MTRF1: variants seen among roughly 807,000 people sequenced by gnomAD.
MTRF1 encodes the protein peptide chain release factor 1, mitochondrial.
MTRF1 carries 51 observed loss-of-function variants against 62.9 expected under a neutral mutation model. The ratio of observed to expected loss-of-function variants is 0.81; its 90% CI spans 0.65 to 1.02. The LOEUF (loss-of-function observed/expected upper bound fraction) is 1.02. Ranked by LOEUF, MTRF1 falls within the 50% of genes least tolerant of loss-of-function variation. The probability of loss-of-function intolerance (pLI) is 0.00; values close to 1 mark genes in which losing one functional copy is unlikely to be tolerated. For missense variants in MTRF1, 446 were observed against 530.0 expected (o/e 0.84, Z 1.56); for synonymous variants, 158 against 181.9 (o/e 0.87, Z 1.06).
intron 1 of MTRF1, chr13:41,261,815 T>A: frequency 2.0e-6 from 2 of 985,002 alleles, no homozygotes; most frequent in Non-Finnish European, 2.4e-6. Context: ...GCTTCCCGTT[T>A]AGCTGAGATC....
intron 9 of MTRF1, chr13:41,220,533 T>TTA: frequency 8.1e-7 from 1 of 1,233,962 alleles, no homozygotes; most frequent in Non-Finnish European, 1.1e-6. Context: ...AGTAAGAAAG[T>TTA]TACCTAACAG....
the MTRF1 span, among the ~76,000 whole-genome samples, chr13:41,272,105 CAA>C: frequency 2.0e-5 from 3 of 152,112 alleles, no homozygotes; most frequent in African/African-American, 7.2e-5. Context: ...CCCCCAAAAC[CAA>C]AGAGATCAGG....
chr13:41,232,360 C>A (rs999953807), intron 7 of MTRF1, among the ~76,000 whole-genome samples: 1 of 151,848 alleles, frequency 6.6e-6, no homozygotes, highest in Non-Finnish European at 1.5e-5. Flanking sequence ...GAGGAAAAAA[C>A]AAATTCAAGA....
intron 6 of MTRF1, among the ~76,000 whole-genome samples, chr13:41,238,056 G>T (rs529641919): frequency 6.6e-6 from 1 of 152,220 alleles, no homozygotes; most frequent in African/African-American, 2.4e-5. Context: ...GTAATAATAT[G>T]AAACTTTGAT....
At chr13:41,272,997 T>C in the MTRF1 span, among the ~76,000 whole-genome samples, 5 of 152,258 alleles carry the variant, frequency 3.3e-5, no homozygotes, top group South Asian at 6.2e-4. Context: ...TAGCTCATGC[T>C]GTTACCAAGC....
the MTRF1 span, among the ~76,000 whole-genome samples, chr13:41,283,585 C>CTTTTTTTTTTTTTTTTTTTTTT: frequency 1.2e-5 from 1 of 83,558 alleles, no homozygotes; most frequent in African/African-American, 4.8e-5. Flanking sequence ...CTCTGACAAT[C>CTTTTTTTTTTTTTTTTTTTTTT]TTTTTTTTTT....
intron 5 of MTRF1, among the ~76,000 whole-genome samples, chr13:41,252,027 G>A (rs975926663): frequency 2.0e-5 from 3 of 151,954 alleles, no homozygotes; most frequent in South Asian, 2.1e-4. Flanking sequence ...CTACAGGCAC[G>A]TGCCACCATG....
intron 5 of MTRF1, 95 bp from the exon 6 acceptor site, chr13:41,240,528 C>A: frequency 8.5e-7 from 1 of 1,174,898 alleles, no homozygotes; most frequent in Non-Finnish European, 1.2e-6. Flanking sequence ...ATGTTGAGTA[C>A]AGAGCCTAAG....
At chr13:41,282,960 T>A in the MTRF1 span, among the ~76,000 whole-genome samples, 1 of 152,164 alleles carries the variant, frequency 6.6e-6, no homozygotes, top group Non-Finnish European at 1.5e-5. Context: ...TTACCACTGT[T>A]CAATTCTTCC....
chr13:41,246,865 G>A (rs538929288), intron 5 of MTRF1, among the ~76,000 whole-genome samples: 1 of 152,330 alleles, frequency 6.6e-6, no homozygotes, highest in South Asian at 2.1e-4. Context: ...AAAACAGCCA[G>A]TCTTAGGCTA....
chr13:41,287,971 G>A, the MTRF1 span: 1 of 398,292 alleles, frequency 2.5e-6, no homozygotes, highest in Admixed American at 3.1e-5. Context: ...TTAAGATCAA[G>A]TTTACTTCCC....
At chr13:41,302,536 ATT>A in the MTRF1 span, among the ~76,000 whole-genome samples, 1 of 146,874 alleles carries the variant, frequency 6.8e-6, no homozygotes, top group Non-Finnish European at 1.5e-5. Flanking sequence ...TTTTTTTTAA[ATT>A]TTTTTTTTTG....
chr13:41,228,609 A>C (rs1327874843), intron 7 of MTRF1, among the ~76,000 whole-genome samples: 3 of 148,526 alleles, frequency 2.0e-5, no homozygotes, highest in Non-Finnish European at 4.5e-5. Flanking sequence ...TACAGAGGCC[A>C]TCTTTTACTC....
At chr13:41,218,938 T>C (rs190675724) in intron 9 of MTRF1, among the ~76,000 whole-genome samples, 3 of 152,334 alleles carry the variant, frequency 2.0e-5, no homozygotes, top group Non-Finnish European at 4.4e-5. Flanking sequence ...AACACTATGA[T>C]ATAACTTTAA....
chr13:41,226,582 G>A lies in MTRF1; in HGVS notation c.989-14C>T. ...CTACTACTAGCCCTGAAAAATAACA[G>A]GGATCAGAAGGTAAACTGTAGCTTC... On this transcript the variant is annotated splice_polypyrimidine_tract_variant and intron_variant, in intron 7 of 9. Coordinates refer to ENST00000379480, the MANE Select transcript of MTRF1 (RefSeq NM_004294.4). 1 of 1,612,554 alleles carries A rather than the reference G, an allele frequency of 6.2e-7. No individual in the cohort carries two copies. Among genetic ancestry groups the A allele is most frequent in the Non-Finnish European group, 8.5e-7 (1 of 1,179,778 alleles).
intron 8 of MTRF1, 65 bp from the exon 9 acceptor site, chr13:41,223,419 G>T: frequency 1.5e-6 from 2 of 1,302,590 alleles, no homozygotes; most frequent in Non-Finnish European, 2.2e-6. Context: ...AATGGAAAAA[G>T]CACTTGGCAA....
the MTRF1 span, among the ~76,000 whole-genome samples, chr13:41,273,529 T>C: frequency 2.0e-5 from 3 of 152,104 alleles, no homozygotes; most frequent in Non-Finnish European, 4.4e-5. Flanking sequence ...TGGTTTTACA[T>C]GTTTTAGGGA....
intron 3 of MTRF1, among the ~76,000 whole-genome samples, chr13:41,253,764 A>T (rs1809361367): frequency 6.6e-6 from 1 of 152,252 alleles, no homozygotes; most frequent in Non-Finnish European, 1.5e-5. Flanking sequence ...ACTGAGAGTC[A>T]GACATCTTCT....
chr13:41,293,085 T>G, the MTRF1 span, among the ~76,000 whole-genome samples: 557 of 152,322 alleles, frequency 3.7e-3, 6 homozygotes, highest in Non-Finnish European at 1.7e-3. Flanking sequence ...CCAATTGTCT[T>G]TTATGAACCA....
Sources: allele counts gnomAD v4.1 joint callset (sites outside exome capture counted in the v4.1 genomes callset), GRCh38; gene constraint gnomAD v4.1.1; transcripts MANE v1.5; gene names NCBI Gene and HGNC (gene_info 2026-07-23, HGNC 2026-07-21).